FABP9: variants seen among roughly 807,000 people sequenced by gnomAD.
FABP9 encodes fatty acid-binding protein 9.
A neutral mutation model predicts 14.7 loss-of-function variants in FABP9; 11 were observed. The ratio of observed to expected loss-of-function variants is 0.75; its 90% CI spans 0.47 to 1.24. FABP9 has a LOEUF of 1.24. FABP9 is among the 50% of genes most tolerant of loss of function. The probability of loss-of-function intolerance (pLI) is 0.00; values close to 1 mark genes in which losing one functional copy is unlikely to be tolerated. For synonymous variants in FABP9, 54 were observed against 50.6 expected (o/e 1.07, Z -0.29); for missense variants, 171 against 158.2 (o/e 1.08, Z -0.44).
intron 1 of FABP9, among the ~76,000 whole-genome samples, chr8:81,459,648 G>C (rs1340773662): frequency 6.6e-6 from 1 of 152,150 alleles, no homozygotes; most frequent in Admixed American, 6.6e-5. Flanking sequence ...TAACCTTGTG[G>C]GTGCGGGAGG....
intron 2 of FABP9, 122 bp downstream of exon 2, chr8:81,459,043 G>A: frequency 1.2e-6 from 1 of 805,516 alleles, no homozygotes. Context: ...CTTTAGAGAT[G>A]TGCGACTATT....
chr8:81,458,582 T>C lies in FABP9; in HGVS notation c.348+20A>G. On this transcript the variant is annotated intron_variant, in intron 3 of 3. Transcript: ENST00000379071. Reference sequence around the variant, plus strand: ...TATCAAATAGGAACATATAAAGACTTCAATTTAAAGAAAACTTACCACTAC... The same window carrying C: ...TATCAAATAGGAACATATAAAGACTCCAATTTAAAGAAAACTTACCACTAC... 3.2e-6 allele frequency: 5 copies of C among 1,575,038 alleles called. No homozygotes were observed. Among genetic ancestry groups the C allele is most frequent in the Non-Finnish European group, 4.4e-6 (5 of 1,145,044 alleles).
intron 2 of FABP9, 91 bp from the exon 3 acceptor site, chr8:81,458,794 A>G: frequency 1.1e-6 from 1 of 905,868 alleles, no homozygotes; most frequent in Non-Finnish European, 1.7e-6. Flanking sequence ...CTATTTTGAA[A>G]TTCTTTTCTT....
chr8:81,459,426 AT>A, intron 1 of FABP9, 89 bp from the exon 2 acceptor site: 1 of 1,215,544 alleles, frequency 8.2e-7, no homozygotes, highest in South Asian at 1.8e-5. Flanking sequence ...TACTTTACCT[AT>A]TTTGAAATTT....
At chr8:81,458,483 T>C in intron 3 of FABP9, 50 bp from the exon 4 acceptor site, 1 of 1,535,234 alleles carries the variant, frequency 6.5e-7, no homozygotes, top group Non-Finnish European at 9.0e-7. Flanking sequence ...AGGCTAAACT[T>C]GCCCTGCCCC....
In FABP9 at chr8:81,458,293, A is replaced by G; in HGVS notation, c.*90T>C. 1 of 991,378 alleles carries G rather than the reference A, an allele frequency of 1.0e-6. No homozygotes were observed. The highest frequency in any genetic ancestry group is 1.6e-6 in the Non-Finnish European group (1 of 635,608). 61.4% of individuals were successfully genotyped at this position (991,378 alleles called of 1,614,324 possible). A position where few individuals can be genotyped will look rare whatever the true frequency, so the allele number is the denominator to read the frequency against. On this transcript the variant is annotated 3_prime_UTR_variant, in exon 4 of 4. Coordinates refer to ENST00000379071, the MANE Select transcript of FABP9 (RefSeq NM_001080526.2). ...TTATTAAGCAAATTTATATTGAGAC[A>G]TTTTTTAAAAATCACCAGCCCTGAG...
intron 2 of FABP9, 84 bp downstream of exon 2, chr8:81,459,081 G>A: frequency 8.1e-7 from 1 of 1,229,786 alleles, no homozygotes; most frequent in Admixed American, 2.6e-5. Context: ...CAGACTTGGT[G>A]ATAAATCAAA....
chr8:81,458,766 A>AT (rs1288492301), intron 2 of FABP9, 63 bp from the exon 3 acceptor site: 3 of 1,066,804 alleles, frequency 2.8e-6, no homozygotes, highest in Non-Finnish European at 4.2e-6. Context: ...ATGAGACCAC[A>AT]TATCTACTTT....
chr8:81,460,367 G>A (rs534633696), intron 1 of FABP9, among the ~76,000 whole-genome samples: 1 of 152,154 alleles, frequency 6.6e-6, no homozygotes, highest in Admixed American at 6.5e-5. Flanking sequence ...CTGCTCAGCT[G>A]TTATTCTTGC....
intron 1 of FABP9, 69 bp from the exon 2 acceptor site, chr8:81,459,406 A>C: frequency 3.7e-6 from 5 of 1,367,888 alleles, no homozygotes; most frequent in Non-Finnish European, 4.8e-6. Flanking sequence ...GTCAATTTTC[A>C]AAGAATGCTT....
intron 1 of FABP9, among the ~76,000 whole-genome samples, chr8:81,460,524 C>T (rs929726913): frequency 8.5e-5 from 13 of 152,136 alleles, no homozygotes; most frequent in Non-Finnish European, 1.6e-4. Context: ...TTTCTTATGA[C>T]CCTCTGAGAA....
Position 81,458,607 on chromosome 8 carries a change from C to A in FABP9, c.343G>T (p.Val115Leu). The A allele has an allele frequency of 2.5e-6, 4 of 1,610,818 alleles. No individual in the cohort carries two copies. Among genetic ancestry groups the A allele is most frequent in the Non-Finnish European group, 2.5e-6 (3 of 1,177,232 alleles). ...IKRKIVDEKM[V>L]VECKMNNIVS... ...TCAATTTAAAGAAAACTTACCACTA[C>A]CATTTTTTCATCCACAATTTTTCTT... is the stretch of plus-strand genomic sequence containing the variant. Residue 115 changes from valine (V) to leucine (L), a missense_variant, in exon 3 of 4, where the codon GTA (valine) becomes TTA (leucine). Transcript: ENST00000379071.
In FABP9 at chr8:81,458,706, A is replaced by C; in HGVS notation, c.247-3T>G. 4 of 1,603,920 alleles carry C rather than the reference A, an allele frequency of 2.5e-6. No individual in the cohort carries two copies. Among genetic ancestry groups the C allele is most frequent in the Non-Finnish European group, 3.4e-6 (4 of 1,171,600 alleles). The stretch of plus-strand genomic sequence containing the variant: ...CCATTCTCTAATGTTATGGTGCTCT[A>C]TAAATGCATAAAGAAATCAGAAGTA... On this transcript the variant is annotated splice_polypyrimidine_tract_variant and splice_region_variant and intron_variant, in intron 2 of 3. Transcript: ENST00000379071.
At chr8:81,459,486 G>A in intron 1 of FABP9, 149 bp from the exon 2 acceptor site, 1 of 660,786 alleles carries the variant, frequency 1.5e-6, no homozygotes, top group East Asian at 3.3e-5. Flanking sequence ...TATCAGGGCT[G>A]AGCTAGATCC....
At position 81,458,653 on chromosome 8, in the gene FABP9, A is replaced by C. The variant is rs772975109; in HGVS notation, c.297T>G (p.Leu99=). The change falls in exon 3 of 4, where the codon CTT becomes CTG. Residue 99 remains leucine, a synonymous_variant. Transcript: ENST00000379071. ...NGSMIHVQKW[L]GKETTIKRKI... The stretch of plus-strand genomic sequence containing the variant: ...TTCTTTTGATTGTTGTCTCTTTGCC[A>C]AGCCATTTTTGGACGTGAATCATTG... 4 of 1,613,930 alleles carry C rather than the reference A, an allele frequency of 2.5e-6. No individual in the cohort carries two copies.
chr8:81,459,605 A>C (rs1807656556), intron 1 of FABP9, among the ~76,000 whole-genome samples: 1 of 152,182 alleles, frequency 6.6e-6, no homozygotes, highest in Admixed American at 6.5e-5. Flanking sequence ...CAAGAGATCA[A>C]ATGCTTGCAC....
intron 1 of FABP9, 110 bp from the exon 2 acceptor site, chr8:81,459,447 TA>T: frequency 1.1e-6 from 1 of 948,892 alleles, no homozygotes. Context: ...TTGGATAATG[TA>T]TAGTAACTTA....
At position 81,458,329 on chromosome 8, in the gene FABP9, T is replaced by C; in HGVS notation, c.*54A>G. On this transcript the variant is annotated 3_prime_UTR_variant, in exon 4 of 4. Coordinates refer to ENST00000379071, the MANE Select transcript of FABP9 (RefSeq NM_001080526.2). The stretch of plus-strand genomic sequence containing the variant: ...ATCACCAGCCCTGAGGCATATCTTC[T>C]TCAGGTACCAGTTCCTTGTCAGTGA... The C allele has an allele frequency of 1.5e-6, 2 of 1,354,458 alleles. No homozygotes were observed. The highest frequency in any genetic ancestry group is 2.1e-6 in the Non-Finnish European group (2 of 946,230). 83.9% of individuals were successfully genotyped at this position (1,354,458 alleles called of 1,614,324 possible).
intron 1 of FABP9, among the ~76,000 whole-genome samples, chr8:81,459,622 T>C (rs1450088236): frequency 6.6e-6 from 1 of 152,212 alleles, no homozygotes; most frequent in East Asian, 1.9e-4. Context: ...GCACTTCACC[T>C]TGTGGAGTGT....
Sources: allele counts gnomAD v4.1 joint callset (sites outside exome capture counted in the v4.1 genomes callset), GRCh38; gene constraint gnomAD v4.1.1; transcripts MANE v1.5; gene names NCBI Gene and HGNC (gene_info 2026-07-23, HGNC 2026-07-21).